The following EPHB1 variants were observed in gnomAD, a reference collection of about 807,000 sequenced individuals.
The protein encoded by EPHB1 is EPH receptor B1, also known as ephrin type-B receptor 1.
Under a neutral mutation model 94.4 loss-of-function variants are expected in EPHB1, and 30 were observed. That is an observed-to-expected ratio of 0.32 (90% CI 0.24 to 0.43). EPHB1 has a LOEUF of 0.43. Among genes scored for constraint, EPHB1 ranks in the 20% least tolerant of loss-of-function variants. EPHB1 has a pLI of 1.00. For missense variants in EPHB1, 1,055 were observed against 1,308.3 expected, an observed-to-expected ratio of 0.81 and a Z score of 2.99; for synonymous variants, 522 against 489.1, an observed-to-expected ratio of 1.07 and a Z score of -0.89.
At chr3:135,107,142 T>C (rs1939248817) in intron 4 of EPHB1, among the ~76,000 whole-genome samples, 1 of 152,228 alleles carries the variant, frequency 6.6e-6, no homozygotes, top group Non-Finnish European at 1.5e-5. Flanking sequence ...CAGCCTGATG[T>C]AGCATTTGTG....
At chr3:134,845,102 T>C (rs1029004960) in intron 1 of EPHB1, among the ~76,000 whole-genome samples, 2 of 152,252 alleles carry the variant, frequency 1.3e-5, no homozygotes, top group East Asian at 3.9e-4. Context: ...ATTTGGATAC[T>C]GGATGTGGAG....
intron 1 of EPHB1, among the ~76,000 whole-genome samples, chr3:134,862,775 T>A (rs1376147106): frequency 6.6e-6 from 1 of 152,158 alleles, no homozygotes; most frequent in Non-Finnish European, 1.5e-5. Flanking sequence ...CCTTTTGCTG[T>A]GTCCTCCAAC....
At chr3:135,099,324 GAT>G (rs1938941804) in intron 3 of EPHB1, among the ~76,000 whole-genome samples, 1 of 130,286 alleles carries the variant, frequency 7.7e-6, no homozygotes, top group Non-Finnish European at 1.7e-5. Flanking sequence ...TGGATGGACG[GAT>G]GGATGGACGG....
intron 3 of EPHB1, among the ~76,000 whole-genome samples, chr3:135,086,187 C>T (rs1016967761): frequency 3.3e-5 from 5 of 152,072 alleles, no homozygotes; most frequent in Non-Finnish European, 5.9e-5. Flanking sequence ...TTAGGAAGTC[C>T]GGGCAGCCCC....
intron 3 of EPHB1, among the ~76,000 whole-genome samples, chr3:135,023,332 G>C (rs36051): frequency 0.33 from 50,204 of 152,058 alleles, 9,367 homozygotes; most frequent in Non-Finnish European, 0.41. Context: ...CTCTGCATTA[G>C]TGAAATTTTG....
Position 135,042,259 on chromosome 3 carries a change from T to C in EPHB1, c.806-64189T>C, listed in dbSNP as rs183178105. 9.8e-5 allele frequency among the ~76,000 whole-genome samples: 15 copies of C among 152,314 alleles called. No homozygotes were observed. The East Asian group carries it at 2.9e-3, about 29-fold the overall frequency. On this transcript the variant is annotated intron_variant, in intron 3 of 15. Coordinates refer to ENST00000398015, the MANE Select transcript of EPHB1 (RefSeq NM_004441.5). ...TCTTTTTATAGGGAACCCACTTCTG[T>C]GATAATATCCTTAATCTGTTCATGA...
At chr3:135,215,168 CTT>C (rs977225299) in intron 12 of EPHB1, among the ~76,000 whole-genome samples, 2 of 144,970 alleles carry the variant, frequency 1.4e-5, no homozygotes. Context: ...TTTCTTTTTT[CTT>C]TTTTTTTTTT....
chr3:134,809,079 C>T (rs2036120363), intron 1 of EPHB1, among the ~76,000 whole-genome samples: 1 of 152,222 alleles, frequency 6.6e-6, no homozygotes. Context: ...TTCACTATTT[C>T]AATCATGGCC....
intron 15 of EPHB1, among the ~76,000 whole-genome samples, chr3:135,256,356 C>T (rs1167428154): frequency 1.3e-5 from 2 of 152,172 alleles, no homozygotes; most frequent in Non-Finnish European, 2.9e-5. Flanking sequence ...GCAGCTGGTA[C>T]TGGTTGTTCC....
At chr3:134,908,921 A>G (rs1010673728) in intron 1 of EPHB1, among the ~76,000 whole-genome samples, 4 of 151,764 alleles carry the variant, frequency 2.6e-5, no homozygotes, top group African/African-American at 7.3e-5. Flanking sequence ...AGATAGAGAG[A>G]TGAAGTGAGC....
chr3:134,875,627 G>T (rs532244521), intron 1 of EPHB1, among the ~76,000 whole-genome samples: 1 of 152,294 alleles, frequency 6.6e-6, no homozygotes, highest in African/African-American at 2.4e-5. Context: ...GCTAAAATGT[G>T]GATAATAACT....
chr3:134,826,109 G>T (rs903469999), intron 1 of EPHB1, among the ~76,000 whole-genome samples: 1 of 149,964 alleles, frequency 6.7e-6, no homozygotes, highest in South Asian at 2.1e-4. Context: ...AAAATCAGCC[G>T]AGTGTGGTGA....
intron 11 of EPHB1, among the ~76,000 whole-genome samples, chr3:135,196,963 T>TC (rs1942635452): frequency 6.6e-6 from 1 of 152,082 alleles, no homozygotes; most frequent in Admixed American, 6.5e-5. Context: ...TCCGTAATAT[T>TC]AGAAACAATT....
chr3:134,951,448 C>G lies in EPHB1; in HGVS notation c.201C>G (p.Asn67Lys), dbSNP rs2107715359. 6.2e-7 allele frequency: 1 copy of G among 1,612,622 alleles called. No individual in the cohort carries two copies. Among genetic ancestry groups the G allele is most frequent in the Non-Finnish European group, 8.5e-7 (1 of 1,179,132 alleles). The change falls in exon 3 of 16, where the codon AAC (asparagine) becomes AAG (lysine). Residue 67 changes from asparagine (N) to lysine (K), a missense_variant. Asn to Lys is a moderately conservative substitution (Grantham distance 94). Transcript: ENST00000398015. This position sits in a 1 kb window ranked among gnomAD's most constrained non-coding sequence, Gnocchi z 4.5. ...AGGTGTGCAATGTCTTCGAGCCCAA[C>G]CAGAACAATTGGCTGCTCACCACCT... ...TYQVCNVFEP[N>K]QNNWLLTTFI...
chr3:135,002,324 T>C (rs977207790), intron 3 of EPHB1, among the ~76,000 whole-genome samples: 68 of 152,186 alleles, frequency 4.5e-4, no homozygotes, highest in Middle Eastern at 3.2e-3. Context: ...GCATAAGCTT[T>C]TTGATGTGCT....
At chr3:134,795,804 C>A in intron 1 of EPHB1, 115 bp downstream of exon 1, 1 of 1,202,556 alleles carries the variant, frequency 8.3e-7, no homozygotes, top group Non-Finnish European at 1.2e-6. Flanking sequence ...ATCCCGGGAC[C>A]CGAGGGCAAG....
chr3:134,929,665 A>G (rs1269961032), intron 2 of EPHB1, among the ~76,000 whole-genome samples: 3 of 152,080 alleles, frequency 2.0e-5, no homozygotes, highest in Non-Finnish European at 4.4e-5. Flanking sequence ...TGTAGGTCTC[A>G]GTGAGGCTAA....
intron 1 of EPHB1, among the ~76,000 whole-genome samples, chr3:134,869,355 TCTC>T (rs751094735): frequency 1.3e-5 from 2 of 152,192 alleles, no homozygotes; most frequent in Admixed American, 6.5e-5. Context: ...CTGATGCCAT[TCTC>T]AATAGACTCT....
intron 1 of EPHB1, among the ~76,000 whole-genome samples, chr3:134,891,875 G>T (rs990317666): frequency 6.6e-6 from 1 of 152,198 alleles, no homozygotes; most frequent in Non-Finnish European, 1.5e-5. Context: ...CTTCTCTATA[G>T]TTCCGTCACA....
Sources: gnomAD v4.1 joint callset for allele counts (sites outside exome capture counted in the v4.1 genomes callset) on GRCh38, gnomAD v4.1.1 for gene constraint, Gnocchi (gnomAD v3.1) non-coding constraint, MANE v1.5 for transcripts, NCBI Gene and HGNC (gene_info 2026-07-23, HGNC 2026-07-21) for gene names.